TTC1: variants seen among roughly 807,000 people sequenced by gnomAD.
TTC1 encodes the protein tetratricopeptide repeat domain 1.
Under a neutral mutation model 37.6 loss-of-function variants are expected in TTC1, and 31 were observed. The ratio of observed to expected loss-of-function variants is 0.82; its 90% CI spans 0.62 to 1.11. TTC1 has a LOEUF of 1.11. Among genes scored for constraint, TTC1 ranks in the 50% most tolerant of loss-of-function variants. The pLI is 0.00. For missense variants in TTC1, 351 were observed against 339.0 expected, an observed-to-expected ratio of 1.04 and a Z score of -0.28; for synonymous variants, 127 against 122.4, an observed-to-expected ratio of 1.04 and a Z score of -0.25.
intron 7 of TTC1, among the ~76,000 whole-genome samples, chr5:160,061,100 C>T (rs1182139599): frequency 6.6e-6 from 1 of 152,224 alleles, no homozygotes; most frequent in Non-Finnish European, 1.5e-5. Context: ...TGGCTCAGGA[C>T]AGCCTGGCAG....
At chr5:160,036,252 C>T (rs759950200) in intron 3 of TTC1, among the ~76,000 whole-genome samples, 3 of 152,188 alleles carry the variant, frequency 2.0e-5, no homozygotes, top group Non-Finnish European at 4.4e-5. Flanking sequence ...TGTATGAAAG[C>T]ACAACAGATT....
chr5:160,039,058 T>G (rs1757044263), intron 4 of TTC1: 3 of 152,168 alleles, frequency 2.0e-5, no homozygotes, highest in Admixed American at 2.0e-4. Context: ...GCATATTATA[T>G]TCTAAGTTTT....
intron 2 of TTC1, among the ~76,000 whole-genome samples, chr5:160,012,755 GAT>G (rs1338889619): frequency 6.6e-6 from 1 of 152,160 alleles, no homozygotes; most frequent in East Asian, 1.9e-4. Flanking sequence ...TAAAAATTGA[GAT>G]ATAATTTAGT....
At chr5:160,025,009 G>GTATTTT (rs1301676630) in intron 2 of TTC1, among the ~76,000 whole-genome samples, 13 of 151,918 alleles carry the variant, frequency 8.6e-5, no homozygotes, top group African/African-American at 2.9e-4. Context: ...GCTAATTTTT[G>GTATTTT]TATTTTTATT....
chr5:160,015,836 G>C (rs1057020629), intron 2 of TTC1, among the ~76,000 whole-genome samples: 1 of 152,144 alleles, frequency 6.6e-6, no homozygotes, highest in Non-Finnish European at 1.5e-5. Flanking sequence ...TCTGAAGTGG[G>C]GCCAGGCTTA....
At chr5:160,063,784 C>T (rs924841217) in intron 7 of TTC1, 1 of 152,038 alleles carries the variant, frequency 6.6e-6, no homozygotes, top group African/African-American at 2.4e-5. Context: ...TATCTTAAAA[C>T]AGCATAAGAA....
chr5:160,013,877 A>C (rs1344851365), intron 2 of TTC1, among the ~76,000 whole-genome samples: 1 of 152,134 alleles, frequency 6.6e-6, no homozygotes, highest in East Asian at 1.9e-4. Flanking sequence ...ATGTCACTTC[A>C]TGGGATGCAG....
chr5:160,050,843 C>T (rs1757383098), intron 6 of TTC1, among the ~76,000 whole-genome samples: 1 of 151,972 alleles, frequency 6.6e-6, no homozygotes, highest in Non-Finnish European at 1.5e-5. Flanking sequence ...CCAAGGTGGT[C>T]TCAAACTCCT....
chr5:160,045,513 CATA>C (rs1757207119), intron 5 of TTC1, among the ~76,000 whole-genome samples: 7 of 50,322 alleles, frequency 1.4e-4, no homozygotes, highest in South Asian at 7.4e-4. Context: ...CACACACACA[CATA>C]CACACTCTCT....
chr5:160,021,095 A>G (rs541688089), intron 2 of TTC1, among the ~76,000 whole-genome samples: 1 of 152,302 alleles, frequency 6.6e-6, no homozygotes, highest in East Asian at 1.9e-4. Flanking sequence ...CACTTTGTGT[A>G]GATCAGTGGT....
At chr5:160,058,465 C>T (rs912807129) in intron 7 of TTC1, among the ~76,000 whole-genome samples, 1 of 145,076 alleles carries the variant, frequency 6.9e-6, no homozygotes, top group African/African-American at 2.6e-5. Context: ...GGCTGGAGTG[C>T]AGTGGTGCGA....
At chr5:160,015,496 T>C (rs1298151581) in intron 2 of TTC1, among the ~76,000 whole-genome samples, 1 of 152,170 alleles carries the variant, frequency 6.6e-6, no homozygotes. Flanking sequence ...TGTGAGCTGC[T>C]GCGCCTGGCC....
At chr5:160,043,871 T>C (rs914435011) in intron 5 of TTC1, among the ~76,000 whole-genome samples, 1 of 152,162 alleles carries the variant, frequency 6.6e-6, no homozygotes, top group Non-Finnish European at 1.5e-5. Flanking sequence ...AATCAAGCCT[T>C]TGCTATATGA....
At chr5:160,053,496 C>G (rs1378738826) in intron 7 of TTC1, among the ~76,000 whole-genome samples, 2 of 151,916 alleles carry the variant, frequency 1.3e-5, no homozygotes, top group Non-Finnish European at 2.9e-5. Flanking sequence ...CCCAGGAGAT[C>G]GAGACTTCAG....
intron 2 of TTC1, among the ~76,000 whole-genome samples, chr5:160,019,973 G>T (rs887581583): frequency 6.6e-6 from 1 of 151,900 alleles, no homozygotes; most frequent in Admixed American, 6.6e-5. Flanking sequence ...CTGTCGCCCA[G>T]ACTGGAGTAC....
chr5:160,041,656 A>G (rs1757095822), intron 4 of TTC1, among the ~76,000 whole-genome samples: 1 of 151,900 alleles, frequency 6.6e-6, no homozygotes, highest in Non-Finnish European at 1.5e-5. Context: ...AGGTTTGTTT[A>G]CCCCAGCATC....
chr5:160,036,581 C>A, intron 3 of TTC1, 110 bp from the exon 4 acceptor site: 1 of 728,660 alleles, frequency 1.4e-6, no homozygotes, highest in Non-Finnish European at 2.3e-6. Context: ...CATCTTTTAA[C>A]TCAAAACCTT....
At chr5:160,064,023 C>G (rs2113428840) in intron 7 of TTC1, among the ~76,000 whole-genome samples, 1 of 137,070 alleles carries the variant, frequency 7.3e-6, no homozygotes, top group Middle Eastern at 5.0e-3. Flanking sequence ...GGCTGGAGTG[C>G]AGTGGCGCAA....
chr5:160,029,508 C>T (rs1002883052), intron 2 of TTC1, among the ~76,000 whole-genome samples: 6 of 146,648 alleles, frequency 4.1e-5, no homozygotes, highest in East Asian at 4.0e-4. Context: ...AATAGCTAGG[C>T]GTGGTGGTGT....
Sources: gnomAD v4.1 joint callset for allele counts (sites outside exome capture counted in the v4.1 genomes callset) on GRCh38, gnomAD v4.1.1 for gene constraint, MANE v1.5 for transcripts, NCBI Gene and HGNC (gene_info 2026-07-23, HGNC 2026-07-21) for gene names.